Variants in MRGPRX4 observed in about 807,000 individuals in gnomAD.
The protein encoded by MRGPRX4 is MAS related GPR family member X4, also known as mas-related G protein-coupled receptor member X4.
MRGPRX4 carries 13 observed loss-of-function variants against 17.8 expected under a neutral mutation model. That is an observed-to-expected ratio of 0.73 (90% CI 0.48 to 1.16). The LOEUF is 1.16. MRGPRX4 is among the 50% of genes most tolerant of loss of function. The probability of loss-of-function intolerance (pLI) is 0.00; values close to 1 mark genes in which losing one functional copy is unlikely to be tolerated. For synonymous variants in MRGPRX4, 192 were observed against 175.3 expected (o/e 1.10, Z -0.75); for missense variants, 399 against 405.0 (o/e 0.99, Z 0.13).
At position 18,173,266 on chromosome 11, in the gene MRGPRX4, A is replaced by C; in HGVS notation, c.10A>C (p.Thr4Pro). 6.3e-7 allele frequency: 1 copy of C among 1,599,470 alleles called. No homozygotes were observed. Among genetic ancestry groups the C allele is most frequent in the South Asian group, 1.1e-5 (1 of 87,952 alleles). ...ACTAGGGTTTCTGAGCATGGATCCA[A>C]CCGTCCCAGTCTTCGGTACAAAACT... MDP[T>P]VPVFGTKLTP... The change falls in exon 1 of 1, where the codon ACC (threonine) becomes CCC (proline). Residue 4 changes from threonine to proline, a missense_variant. Transcript: ENST00000314254.
Position 18,173,763 on chromosome 11 carries a change from T to C in MRGPRX4, c.507T>C (p.Asp169=), listed in dbSNP as rs1485410411. The change falls in exon 1 of 1, where the codon GAT becomes GAC. Residue 169 remains aspartate (D), a synonymous_variant. Coordinates refer to ENST00000314254, the MANE Select transcript of MRGPRX4 (RefSeq NM_054032.3). ...RFCDFLFSGA[D]SSWCETSDFI... is the part of the protein sequence containing the mutation. ...GTGACTTCCTGTTTAGTGGTGCTGATTCTAGTTGGTGTGAAACGTCAGATT... is the reference window on the plus strand; with the variant it reads ...GTGACTTCCTGTTTAGTGGTGCTGACTCTAGTTGGTGTGAAACGTCAGATT... 8 of 1,613,996 alleles carry C rather than the reference T, an allele frequency of 5.0e-6. No individual in the cohort carries two copies. The highest frequency in any genetic ancestry group is 6.8e-6 in the Non-Finnish European group (8 of 1,180,016).
Position 18,173,025 on chromosome 11 carries a change from T to C in MRGPRX4, c.-232T>C, listed in dbSNP as rs1849334757. 7.3e-6 allele frequency: 4 copies of C among 545,536 alleles called. No individual in the cohort carries two copies. Among genetic ancestry groups the C allele is most frequent in the African/African-American group, 5.7e-5 (3 of 53,056 alleles). The allele number at this position is 545,536 out of a possible 1,614,324, so 33.8% of individuals were successfully genotyped here. On this transcript the variant is annotated 5_prime_UTR_variant, in exon 1 of 1. Transcript: ENST00000314254. The stretch of plus-strand genomic sequence containing the variant: ...TTCCCATGTCAGCACAGAACTTGTG[T>C]GGCAGTAGAGAGATGTCAGGCTTCA...
At position 18,172,968 on chromosome 11, in the gene MRGPRX4, G is replaced by A. The variant is rs879193800; in HGVS notation, c.-289G>A. On this transcript the variant is annotated 5_prime_UTR_variant, in exon 1 of 1. Transcript: ENST00000314254. ...AATCATCGGGTCCAAAGCCCTGGCC[G>A]GATGAGTGGGGGTGTTTTGATCCTA... The A allele has an allele frequency of 1.6e-5, 6 of 367,118 alleles. No individual in the cohort carries two copies. Among genetic ancestry groups the A allele is most frequent in the African/African-American group, 4.1e-5 (2 of 48,646 alleles). The allele number at this position is 367,118 out of a possible 1,614,324, so 22.7% of individuals were successfully genotyped here. A position where few individuals can be genotyped will look rare whatever the true frequency, so the allele number is the denominator to read the frequency against.
At position 18,173,854 on chromosome 11, in the gene MRGPRX4, G is replaced by T. The variant is rs762588610; in HGVS notation, c.598G>T (p.Val200Phe). ...CTGTGTTTCCAGCCTGGTCCTGCTG[G>T]TCAGGATCCTCTGTGGATCCCGGAA... ...VLCVSSLVLL[V>F]RILCGSRKMP... Residue 200 changes from valine to phenylalanine, a missense_variant, in exon 1 of 1, where the codon GTC (valine) becomes TTC (phenylalanine). By Grantham distance (50) the Val-to-Phe change is conservative. Transcript: ENST00000314254. 4 of 1,614,046 alleles carry T rather than the reference G, an allele frequency of 2.5e-6. No homozygotes were observed. Among genetic ancestry groups the T allele is most frequent in the Non-Finnish European group, 3.4e-6 (4 of 1,180,054 alleles).
At position 18,173,980 on chromosome 11, in the gene MRGPRX4, A is replaced by T; in HGVS notation, c.724A>T (p.Met242Leu). 6.2e-7 allele frequency: 1 copy of T among 1,614,122 alleles called. No homozygotes were observed. Among genetic ancestry groups the T allele is most frequent in the Non-Finnish European group, 8.5e-7 (1 of 1,180,032 alleles). The change falls in exon 1 of 1, where the codon ATG becomes TTG. Residue 242 changes from methionine to leucine, a missense_variant. Met to Leu is a conservative substitution (Grantham distance 15). Coordinates refer to ENST00000314254, the MANE Select transcript of MRGPRX4 (RefSeq NM_054032.3). ...CATTCTGGGGGCCCTAATTTACAGG[A>T]TGCACCTGAATTTGGAAGTCTTATA... is the stretch of plus-strand genomic sequence containing the variant. ...FGILGALIYR[M>L]HLNLEVLYCH...
rs1463761955 is a variant in MRGPRX4 at position 18,173,500 on chromosome 11, C to G, written c.244C>G (p.Arg82Gly). 1.2e-6 allele frequency: 2 copies of G among 1,614,178 alleles called. No individual in the cohort carries two copies. Among genetic ancestry groups the G allele is most frequent in the Non-Finnish European group, 1.7e-6 (2 of 1,180,030 alleles). The change falls in exon 1 of 1, where the codon CGT becomes GGT. Residue 82 changes from arginine (R) to glycine (G), a missense_variant. By Grantham distance (125) the Arg-to-Gly change is moderately radical. Transcript: ENST00000314254. ...CCTCTTCCTCAGCTTCCAGATTATA[C>G]GTTTGCCATTACGCCTCATCAATAT... The part of the protein sequence containing the change: ...DFLFLSFQII[R>G]LPLRLINISH...
rs780943355 is a variant in MRGPRX4 at position 18,174,261 on chromosome 11, T to G, written c.*36T>G. 1.9e-6 allele frequency: 3 copies of G among 1,583,784 alleles called. No homozygotes were observed. In the South Asian group the frequency reaches 3.5e-5, roughly 18 times the overall value. On this transcript the variant is annotated 3_prime_UTR_variant, in exon 1 of 1. Coordinates refer to ENST00000314254, the MANE Select transcript of MRGPRX4 (RefSeq NM_054032.3). ...CTGCCCTGTCAGTCAGACGGGACTT[T>G]GAGAGCAACACTGTCCTGCCACCCT...
rs1307194487 is a variant in MRGPRX4 at position 18,173,549 on chromosome 11, T to G, written c.293T>G (p.Leu98Arg). ...INISHLIRKILVSVMTFPYFT... is the reference protein window; with the variant it reads ...INISHLIRKIRVSVMTFPYFT... ...ATCAGCCATCTCATCCGCAAAATCC[T>G]CGTTTCTGTGATGACCTTTCCCTAC... Residue 98 changes from leucine to arginine, a missense_variant, in exon 1 of 1, where the codon CTC becomes CGC. Coordinates refer to ENST00000314254, the MANE Select transcript of MRGPRX4 (RefSeq NM_054032.3). 2 of 1,614,008 alleles carry G rather than the reference T, an allele frequency of 1.2e-6. No individual in the cohort carries two copies. Among genetic ancestry groups the G allele is most frequent in the South Asian group, 1.1e-5 (1 of 91,068 alleles).
rs1849335534 is a variant in MRGPRX4 at position 18,173,114 on chromosome 11, T to A, written c.-143T>A. 9.5e-6 allele frequency: 11 copies of A among 1,156,318 alleles called. No homozygotes were observed. Among genetic ancestry groups the A allele is most frequent in the Non-Finnish European group, 1.4e-5 (11 of 814,450 alleles). The allele number at this position is 1,156,318 out of a possible 1,614,324, so 71.6% of individuals were successfully genotyped here. ...CCCCCACCTTTGGTAAGTGACTTAT[T>A]ATCTGCGAGCCTCTGTTTCTCTCTT... On this transcript the variant is annotated 5_prime_UTR_variant, in exon 1 of 1. Transcript: ENST00000314254.
Position 18,173,589 on chromosome 11 carries a change from T to C in MRGPRX4, c.333T>C (p.Ser111=), listed in dbSNP as rs1417127415. 2.5e-6 allele frequency: 4 copies of C among 1,614,092 alleles called. No homozygotes were observed. Among genetic ancestry groups the C allele is most frequent in the Non-Finnish European group, 3.4e-6 (4 of 1,180,010 alleles). ...VMTFPYFTGL[S]MLSAISTERC... Reference sequence around the variant, plus strand: ...CCTTTCCCTACTTTACAGGCCTGAGTATGCTGAGCGCCATCAGCACCGAGC... The same window carrying C: ...CCTTTCCCTACTTTACAGGCCTGAGCATGCTGAGCGCCATCAGCACCGAGC... Residue 111 remains serine (S), a synonymous_variant, in exon 1 of 1, where the codon AGT becomes AGC. Transcript: ENST00000314254.
Position 18,174,208 on chromosome 11 carries a change from A to G in MRGPRX4, c.952A>G (p.Ser318Gly). The G allele has an allele frequency of 6.2e-7, 1 of 1,613,358 alleles. No individual in the cohort carries two copies. Among genetic ancestry groups the G allele is most frequent in the South Asian group, 1.1e-5 (1 of 91,030 alleles). Residue 318 changes from serine (S) to glycine (G), a missense_variant, in exon 1 of 1, where the codon AGC becomes GGC. By Grantham distance (56) the Ser-to-Gly change is moderately conservative (BLOSUM62 0). Coordinates refer to ENST00000314254, the MANE Select transcript of MRGPRX4 (RefSeq NM_054032.3). ...LPEESLELSG[S>G]RLGP ...TGAGGAAAGCCTGGAGCTGTCGGGA[A>G]GCAGATTGGGGCCATGAGGGAGAGC...
At position 18,173,691 on chromosome 11, in the gene MRGPRX4, G is replaced by A; in HGVS notation, c.435G>A (p.Leu145=). The A allele has an allele frequency of 6.2e-7, 1 of 1,614,184 alleles. No homozygotes were observed. The highest frequency in any genetic ancestry group is 8.5e-7 in the Non-Finnish European group (1 of 1,180,036). Residue 145 remains leucine, a synonymous_variant, in exon 1 of 1, where the codon CTG becomes CTA. Transcript: ENST00000314254. ...PTHLSAVVCV[L]LWGLSLLFSM... is the part of the protein sequence containing the mutation. Reference sequence around the variant, plus strand: ...ACCTGTCAGCGGTCGTGTGTGTCCTGCTCTGGGGCCTGTCCCTGCTGTTTA... The same window carrying A: ...ACCTGTCAGCGGTCGTGTGTGTCCTACTCTGGGGCCTGTCCCTGCTGTTTA...
chr11:18,174,204 G>C lies in MRGPRX4; in HGVS notation c.948G>C (p.Ser316=), dbSNP rs141526240. The change falls in exon 1 of 1, where the codon TCG becomes TCC. Residue 316 remains serine (S), a synonymous_variant. Transcript: ENST00000314254. ...TTCCTGAGGAAAGCCTGGAGCTGTCGGGAAGCAGATTGGGGCCATGAGGGA... is the reference window on the plus strand; with the variant it reads ...TTCCTGAGGAAAGCCTGGAGCTGTCCGGAAGCAGATTGGGGCCATGAGGGA... ...GQLPEESLEL[S]GSRLGP is the part of the protein sequence containing the mutation. 1.9e-6 allele frequency: 3 copies of C among 1,613,352 alleles called. No homozygotes were observed. Among genetic ancestry groups the C allele is most frequent in the South Asian group, 1.1e-5 (1 of 91,006 alleles).
In MRGPRX4 at chr11:18,174,151, C is replaced by G. The variant is rs1461471433; in HGVS notation, c.895C>G (p.Pro299Ala). 3 of 1,614,058 alleles carry G rather than the reference C, an allele frequency of 1.9e-6. No individual in the cohort carries two copies. In the African/African-American group the frequency reaches 4.0e-5, roughly 22 times the overall value. The change falls in exon 1 of 1, where the codon CCT becomes GCT. Residue 299 changes from proline (P) to alanine (A), a missense_variant. Coordinates refer to ENST00000314254, the MANE Select transcript of MRGPRX4 (RefSeq NM_054032.3). ...LVLQRALQDK[P>A]EVDKGEGQLP... The stretch of plus-strand genomic sequence containing the variant: ...TCTCCAGAGGGCTCTGCAGGACAAG[C>G]CTGAGGTGGATAAAGGTGAAGGGCA...
In MRGPRX4 at chr11:18,173,910, C is replaced by G. The variant is rs746452594; in HGVS notation, c.654C>G (p.Ile218Met). ...CGCTGACCAGGCTGTACGTGACCATCCTGCTCACAGTGCTGGTCTTCCTCC... is the reference window on the plus strand; with the variant it reads ...CGCTGACCAGGCTGTACGTGACCATGCTGCTCACAGTGCTGGTCTTCCTCC... ...KMPLTRLYVT[I>M]LLTVLVFLLC... The change falls in exon 1 of 1, where the codon ATC becomes ATG. Residue 218 changes from isoleucine to methionine, a missense_variant. By Grantham distance (10) the Ile-to-Met change is conservative. Coordinates refer to ENST00000314254, the MANE Select transcript of MRGPRX4 (RefSeq NM_054032.3). The G allele has an allele frequency of 5.0e-6, 8 of 1,614,050 alleles. No homozygotes were observed. Among genetic ancestry groups the G allele is most frequent in the Non-Finnish European group, 5.9e-6 (7 of 1,180,016 alleles).
Position 18,174,195 on chromosome 11 carries a change from G to A in MRGPRX4, c.939G>A (p.Leu313=), listed in dbSNP as rs1473411467. 1 of 1,613,808 alleles carries A rather than the reference G, an allele frequency of 6.2e-7. No individual in the cohort carries two copies. The highest frequency in any genetic ancestry group is 1.1e-5 in the South Asian group (1 of 91,056). ...KGEGQLPEES[L]ELSGSRLGP is the part of the protein sequence containing the mutation. ...AAGGGCAGCTTCCTGAGGAAAGCCT[G>A]GAGCTGTCGGGAAGCAGATTGGGGC... Residue 313 remains leucine, a synonymous_variant, in exon 1 of 1, where the codon CTG becomes CTA. Coordinates refer to ENST00000314254, the MANE Select transcript of MRGPRX4 (RefSeq NM_054032.3).
At position 18,173,150 on chromosome 11, in the gene MRGPRX4, G is replaced by A; in HGVS notation, c.-107G>A. On this transcript the variant is annotated 5_prime_UTR_variant, in exon 1 of 1. Coordinates refer to ENST00000314254, the MANE Select transcript of MRGPRX4 (RefSeq NM_054032.3). Reference sequence around the variant, plus strand: ...CTCTGTTTCTCTCTTCTTTAAATGAGGACAGTAAATCCCATACGGCAGGGT... The same window carrying A: ...CTCTGTTTCTCTCTTCTTTAAATGAAGACAGTAAATCCCATACGGCAGGGT... The A allele has an allele frequency of 7.2e-7, 1 of 1,393,752 alleles. No homozygotes were observed. Among genetic ancestry groups the A allele is most frequent in the Non-Finnish European group, 9.8e-7 (1 of 1,025,510 alleles). The allele number at this position is 1,393,752 out of a possible 1,614,324, so 86.3% of individuals were successfully genotyped here.
chr11:18,174,219 G>A lies in MRGPRX4; in HGVS notation c.963G>A (p.Gly321=). The part of the protein sequence containing the change: ...ESLELSGSRL[G]P ...TGGAGCTGTCGGGAAGCAGATTGGGGCCATGAGGGAGAGCCTCTGCCCTGT... is the reference window on the plus strand; with the variant it reads ...TGGAGCTGTCGGGAAGCAGATTGGGACCATGAGGGAGAGCCTCTGCCCTGT... Residue 321 remains glycine (G), a synonymous_variant, in exon 1 of 1, where the codon GGG becomes GGA. Coordinates refer to ENST00000314254, the MANE Select transcript of MRGPRX4 (RefSeq NM_054032.3). 1 of 1,611,538 alleles carries A rather than the reference G, an allele frequency of 6.2e-7. No homozygotes were observed. The highest frequency in any genetic ancestry group is 8.5e-7 in the Non-Finnish European group (1 of 1,178,224).
chr11:18,173,712 G>T lies in MRGPRX4; in HGVS notation c.456G>T (p.Leu152=), dbSNP rs775585438. ...TCCTGCTCTGGGGCCTGTCCCTGCTGTTTAGTATGCTGGAGTGGAGGTTCT... is the reference window on the plus strand; with the variant it reads ...TCCTGCTCTGGGGCCTGTCCCTGCTTTTTAGTATGCTGGAGTGGAGGTTCT... ...VCVLLWGLSL[L]FSMLEWRFCD... Residue 152 remains leucine, a synonymous_variant, in exon 1 of 1, where the codon CTG becomes CTT. Coordinates refer to ENST00000314254, the MANE Select transcript of MRGPRX4 (RefSeq NM_054032.3). 22 of 1,614,084 alleles carry T rather than the reference G, an allele frequency of 1.4e-5. No homozygotes were observed. The South Asian group carries it at 2.4e-4, about 18-fold the overall frequency.
Sources: allele counts gnomAD v4.1 joint callset, GRCh38; gene constraint gnomAD v4.1.1; transcripts MANE v1.5; gene names NCBI Gene and HGNC (gene_info 2026-07-23, HGNC 2026-07-21).